Variants in NAALADL2 observed in about 807,000 individuals in gnomAD.
NAALADL2 encodes the protein N-acetylated alpha-linked acidic dipeptidase like 2, also known as inactive N-acetylated-alpha-linked acidic dipeptidase-like protein 2.
In NAALADL2, 76 loss-of-function variants were observed where a neutral mutation model predicts 87.2. The ratio of observed to expected loss-of-function variants is 0.87; its 90% CI spans 0.72 to 1.05. The LOEUF (loss-of-function observed/expected upper bound fraction) is 1.05. Ranked by LOEUF, NAALADL2 falls within the 50% of genes least tolerant of loss-of-function variation. The pLI is 0.00. For missense variants in NAALADL2, 1,089 were observed against 945.8 expected, an observed-to-expected ratio of 1.15 and a Z score of -1.99; for synonymous variants, 354 against 331.0, an observed-to-expected ratio of 1.07 and a Z score of -0.75.
chr3:175,437,903 A>G (rs1468750116), intron 5 of NAALADL2, among the ~76,000 whole-genome samples: 3 of 152,120 alleles, frequency 2.0e-5, no homozygotes, highest in African/African-American at 7.2e-5. Flanking sequence ...AACTGTTGTT[A>G]TGACACATTA....
At chr3:175,072,647 T>G (rs998867967) in intron 1 of NAALADL2, among the ~76,000 whole-genome samples, 1 of 133,966 alleles carries the variant, frequency 7.5e-6, no homozygotes, top group Non-Finnish European at 1.5e-5. Context: ...TGCTTTTCTT[T>G]CTACTGAGTA....
At chr3:175,004,230 A>G (rs1028566492) in intron 1 of NAALADL2, among the ~76,000 whole-genome samples, 3 of 151,972 alleles carry the variant, frequency 2.0e-5, no homozygotes, top group African/African-American at 7.2e-5. Flanking sequence ...GTAAGTAAGT[A>G]AATAAATAAA....
chr3:174,448,748 G>A (rs1715250801), intron 1 of NAALADL2, among the ~76,000 whole-genome samples: 1 of 152,162 alleles, frequency 6.6e-6, no homozygotes, highest in Non-Finnish European at 1.5e-5. Context: ...AGGAATTAGG[G>A]AGGAGTAAGG....
chr3:175,071,580 T>G (rs1580295777), intron 1 of NAALADL2, among the ~76,000 whole-genome samples: 1 of 152,060 alleles, frequency 6.6e-6, no homozygotes, highest in Non-Finnish European at 1.5e-5. Flanking sequence ...TGTTATCTCA[T>G]GCTGAACATG....
intron 1 of NAALADL2, among the ~76,000 whole-genome samples, chr3:174,531,501 G>A (rs953263435): frequency 6.6e-6 from 1 of 152,082 alleles, no homozygotes; most frequent in African/African-American, 2.4e-5. Flanking sequence ...TAAACATTGT[G>A]GGTAGAATTT....
chr3:175,501,523 T>C (rs1362254327), intron 9 of NAALADL2, among the ~76,000 whole-genome samples: 1 of 151,860 alleles, frequency 6.6e-6, no homozygotes, highest in Admixed American at 6.6e-5. Flanking sequence ...AGCCCCATTT[T>C]AATACCTTGG....
chr3:174,806,496 A>G (rs943133937), intron 3 of NAALADL2, among the ~76,000 whole-genome samples: 3 of 152,224 alleles, frequency 2.0e-5, no homozygotes, highest in Non-Finnish European at 2.9e-5. Flanking sequence ...TGATGACAGG[A>G]CACCCAGAAG....
At chr3:174,643,283 G>C (rs912274196) in intron 2 of NAALADL2, among the ~76,000 whole-genome samples, 10 of 152,104 alleles carry the variant, frequency 6.6e-5, no homozygotes, top group Admixed American at 2.0e-4. Flanking sequence ...AAGCAAATAG[G>C]TGAATAAGAT....
Position 175,803,491 on chromosome 3 carries a change from G to T in NAALADL2, c.*288G>T. ...TATATAAAAATATGTACTATTTTAA[G>T]GAAAAATTTCCAAGAAGTTCTGGAC... On this transcript the variant is annotated 3_prime_UTR_variant, in exon 14 of 14. Transcript: ENST00000454872. 1 of 199,820 alleles carries T rather than the reference G, an allele frequency of 5.0e-6. No individual in the cohort carries two copies. Among genetic ancestry groups the T allele is most frequent in the East Asian group, 1.2e-4 (1 of 8,324 alleles). The allele number at this position is 199,820 out of a possible 1,614,324, so 12.4% of individuals were successfully genotyped here.
chr3:174,995,110 T>TA (rs1412445289), intron 1 of NAALADL2, among the ~76,000 whole-genome samples: 2 of 149,900 alleles, frequency 1.3e-5, no homozygotes, highest in African/African-American at 2.4e-5. Context: ...AGAGATAAAA[T>TA]AAAAAACAAC....
intron 13 of NAALADL2, among the ~76,000 whole-genome samples, chr3:175,795,481 G>A (rs539342674): frequency 6.6e-6 from 1 of 151,444 alleles, no homozygotes; most frequent in South Asian, 2.1e-4. Flanking sequence ...AGACCATTCT[G>A]GCTAATACAG....
intron 1 of NAALADL2, among the ~76,000 whole-genome samples, chr3:174,891,588 C>T (rs1730877094): frequency 6.6e-6 from 1 of 152,088 alleles, no homozygotes; most frequent in African/African-American, 2.4e-5. Flanking sequence ...ACACCGCTTA[C>T]AGAGGGAACA....
intron 4 of NAALADL2, among the ~76,000 whole-genome samples, chr3:175,323,033 G>A (rs1239000874): frequency 4.0e-5 from 6 of 150,286 alleles, no homozygotes; most frequent in Non-Finnish European, 8.9e-5. Flanking sequence ...AAAGACACAT[G>A]CACACGTATG....
intron 6 of NAALADL2, among the ~76,000 whole-genome samples, chr3:175,462,258 T>C (rs1022445571): frequency 3.9e-5 from 6 of 152,116 alleles, no homozygotes; most frequent in Non-Finnish European, 8.8e-5. Flanking sequence ...ACAAAGTCTA[T>C]TAATTGAAAA....
intron 2 of NAALADL2, among the ~76,000 whole-genome samples, chr3:175,154,946 G>T (rs1001643180): frequency 2.0e-5 from 3 of 152,176 alleles, no homozygotes; most frequent in Admixed American, 6.5e-5. Flanking sequence ...GCAAGCTTTA[G>T]TTAAATACAA....
intron 1 of NAALADL2, among the ~76,000 whole-genome samples, chr3:174,517,295 A>G (rs1003772262): frequency 2.6e-5 from 4 of 152,064 alleles, no homozygotes; most frequent in African/African-American, 9.7e-5. Flanking sequence ...TCTTTTGCCA[A>G]AATAAAGCAT....
chr3:175,310,503 C>A (rs1010222088), intron 4 of NAALADL2, among the ~76,000 whole-genome samples: 2 of 151,860 alleles, frequency 1.3e-5, no homozygotes, highest in Non-Finnish European at 2.9e-5. Flanking sequence ...TATTTTATTA[C>A]CTTTAGAGAT....
At chr3:175,424,716 G>C (rs568373568) in intron 5 of NAALADL2, among the ~76,000 whole-genome samples, 1 of 152,088 alleles carries the variant, frequency 6.6e-6, no homozygotes, top group African/African-American at 2.4e-5. Flanking sequence ...GTCAGGTAGC[G>C]TGATGCCTCC....
chr3:174,991,072 T>C (rs1170949296), intron 1 of NAALADL2, among the ~76,000 whole-genome samples: 1 of 152,178 alleles, frequency 6.6e-6, no homozygotes, highest in Non-Finnish European at 1.5e-5. Flanking sequence ...TTCCTTGTAA[T>C]TAACAGAAAC....
Sources: gnomAD v4.1 joint callset for allele counts (sites outside exome capture counted in the v4.1 genomes callset) on GRCh38, gnomAD v4.1.1 for gene constraint, MANE v1.5 for transcripts, NCBI Gene and HGNC (gene_info 2026-07-23, HGNC 2026-07-21) for gene names.